The following AGBL1 variants were observed in gnomAD, a reference collection of about 807,000 sequenced individuals.
AGBL1 encodes the protein AGBL carboxypeptidase 1, also known as cytosolic carboxypeptidase 4.
AGBL1 carries 130 observed loss-of-function variants against 118.9 expected under a neutral mutation model. The observed-to-expected ratio is 1.09, with a 90% CI of 0.95 to 1.26. The LOEUF (loss-of-function observed/expected upper bound fraction) is 1.26. Among genes scored for constraint, AGBL1 ranks in the 50% most tolerant of loss-of-function variants. The pLI, the probability that AGBL1 is intolerant of heterozygous loss-of-function variation, is 0.00. For missense variants in AGBL1, 1,584 were observed against 1,298.1 expected (o/e 1.22, Z -3.38); for synonymous variants, 555 against 478.9 (o/e 1.16, Z -2.08).
rs531356950 is a variant in AGBL1, at chr15:86,774,615, G to A, written c.3158+100179G>A. On this transcript the variant is annotated intron_variant, in intron 22 of 22. Coordinates refer to ENST00000614907, the MANE Select transcript of AGBL1 (RefSeq NM_001386094.1). ...CAGGGCAGGAAGCTCTAAGTACAGG[G>A]AGCTCCTGGAAGACAGAAGCAGCCC... Among the ~76,000 whole-genome samples, 3 of 152,140 alleles carry A rather than the reference G, an allele frequency of 2.0e-5. No individual in the cohort carries two copies. The South Asian group carries it at 6.2e-4, about 32-fold the overall frequency.
At chr15:86,677,485 C>G (rs1268992328) in intron 22 of AGBL1, among the ~76,000 whole-genome samples, 1 of 152,172 alleles carries the variant, frequency 6.6e-6, no homozygotes, top group Non-Finnish European at 1.5e-5. Context: ...TCAGGAGGAG[C>G]CGTTTATCCA....
intron 9 of AGBL1, 68 bp from the exon 10 acceptor site, chr15:86,262,710 A>T: frequency 9.4e-7 from 1 of 1,067,208 alleles, no homozygotes; most frequent in Non-Finnish European, 1.4e-6. Context: ...GCACATACAT[A>T]TCATGTCTTG....
chr15:86,328,324 G>T (rs569639905), intron 17 of AGBL1, among the ~76,000 whole-genome samples: 2 of 152,082 alleles, frequency 1.3e-5, no homozygotes, highest in African/African-American at 2.4e-5. Context: ...GAGAGAGAAC[G>T]ATACAGAAAG....
chr15:86,744,831 T>C (rs534028801), intron 22 of AGBL1, among the ~76,000 whole-genome samples: 1 of 152,256 alleles, frequency 6.6e-6, no homozygotes, highest in East Asian at 1.9e-4. Context: ...TTTAACTCAT[T>C]ATAATTTTTT....
At position 86,280,738 on chromosome 15, in the gene AGBL1, A is replaced by G. The variant is rs75518977; in HGVS notation, c.2220+955A>G. Among the ~76,000 whole-genome samples the G allele has an allele frequency of 2.9e-3, 441 of 152,338 alleles. 2 individuals are homozygous for G. The highest frequency in any genetic ancestry group is 0.01 in the African/African-American group (421 of 41,576). On this transcript the variant is annotated intron_variant, in intron 16 of 22. Coordinates refer to ENST00000614907, the MANE Select transcript of AGBL1 (RefSeq NM_001386094.1). ...AACCAAGAACATCTTTTCCTTCAAA[A>G]GGAATGTGCAGGTATAAATGTGAAT...
rs75914783 is a variant in AGBL1, at chr15:86,848,147, G to A, written c.3159-58940G>A. On this transcript the variant is annotated intron_variant, in intron 22 of 22. Transcript: ENST00000614907. ...ATTATGTCAATTGAGTGGGGGACAG[G>A]AAGTGGGAGCTACCCACAGCAAGAA... Among the ~76,000 whole-genome samples, 1,378 of 152,240 alleles carry A rather than the reference G, an allele frequency of 9.1e-3. 15 individuals are homozygous for A. The highest frequency in any genetic ancestry group is 0.023 in the African/African-American group (939 of 41,534).
At chr15:86,116,163 G>C (rs907758843) in intron 1 of AGBL1, among the ~76,000 whole-genome samples, 2 of 152,132 alleles carry the variant, frequency 1.3e-5, no homozygotes, top group African/African-American at 4.8e-5. Context: ...TCTCAACTCT[G>C]TTTTGTGAGT....
chr15:86,357,702 G>A (rs1008787055), intron 17 of AGBL1, among the ~76,000 whole-genome samples: 1 of 151,826 alleles, frequency 6.6e-6, no homozygotes, highest in African/African-American at 2.4e-5. Flanking sequence ...TTAACATAGC[G>A]TGCTTCTTTA....
At chr15:86,344,446 A>G (rs1432914034) in intron 17 of AGBL1, among the ~76,000 whole-genome samples, 1 of 152,142 alleles carries the variant, frequency 6.6e-6, no homozygotes, top group African/African-American at 2.4e-5. Context: ...CATCTATGTG[A>G]ATGGAGCCCC....
chr15:86,719,005 C>A (rs899688668), intron 22 of AGBL1, among the ~76,000 whole-genome samples: 1 of 152,162 alleles, frequency 6.6e-6, no homozygotes, highest in Admixed American at 6.5e-5. Flanking sequence ...ATCTATCCCT[C>A]AACACCCCTT....
chr15:86,345,034 C>T (rs2080514843), intron 17 of AGBL1, among the ~76,000 whole-genome samples: 1 of 152,132 alleles, frequency 6.6e-6, no homozygotes, highest in African/African-American at 2.4e-5. Context: ...TAATTGAGCA[C>T]CTCTTCTTTT....
At chr15:86,925,189 GAA>G (rs748951922) in intron 23 of AGBL1, among the ~76,000 whole-genome samples, 11 of 90,376 alleles carry the variant, frequency 1.2e-4, no homozygotes, top group East Asian at 3.6e-4. Context: ...GGAAGAGGAA[GAA>G]AAGAAGAAAA....
chr15:86,088,608 G>T (rs1895824024), intron 1 of AGBL1, among the ~76,000 whole-genome samples: 1 of 152,180 alleles, frequency 6.6e-6, no homozygotes, highest in African/African-American at 2.4e-5. Context: ...TCTCAAACTG[G>T]GTTCCAAAGA....
chr15:86,271,629 C>T lies in AGBL1; in HGVS notation c.1998C>T (p.Pro666=). The change falls in exon 15 of 23, where the codon CCC becomes CCT. Residue 666 remains proline, a synonymous_variant. Transcript: ENST00000614907. ...TCTGATTTTGTGTAGGGATGCAGCC[C>T]ACCCTATATTCTGTGAAGGAGGCTC... is the stretch of plus-strand genomic sequence containing the variant. The part of the protein sequence containing the change: ...PNSQFNYGMQ[P]TLYSVKEALL... 3.1e-6 allele frequency: 5 copies of T among 1,611,290 alleles called. No individual in the cohort carries two copies. The highest frequency in any genetic ancestry group is 4.2e-6 in the Non-Finnish European group (5 of 1,177,538).
chr15:86,434,900 G>A (rs961479843), intron 18 of AGBL1, among the ~76,000 whole-genome samples: 1 of 152,190 alleles, frequency 6.6e-6, no homozygotes, highest in African/African-American at 2.4e-5. Flanking sequence ...AACATTCAGG[G>A]CTTTTATATC....
At chr15:86,968,166 C>T (rs924562011) in intron 23 of AGBL1, among the ~76,000 whole-genome samples, 6 of 151,786 alleles carry the variant, frequency 4.0e-5, no homozygotes, top group African/African-American at 1.5e-4. Context: ...CACCCAAAAT[C>T]ATTTGGAGTA....
At chr15:86,989,082 G>T (rs1442035767) in intron 24 of AGBL1, among the ~76,000 whole-genome samples, 1 of 148,094 alleles carries the variant, frequency 6.8e-6, no homozygotes, top group Non-Finnish European at 1.5e-5. Context: ...GCTAACTGCA[G>T]CTTTGATCCT....
chr15:86,192,028 G>C (rs924542752), intron 5 of AGBL1, among the ~76,000 whole-genome samples: 2 of 151,554 alleles, frequency 1.3e-5, no homozygotes, highest in African/African-American at 4.8e-5. Context: ...TTGAGCCCAA[G>C]AGTTCCAGGC....
At chr15:86,445,477 G>A (rs2082110309) in intron 18 of AGBL1, among the ~76,000 whole-genome samples, 1 of 152,184 alleles carries the variant, frequency 6.6e-6, no homozygotes, top group African/African-American at 2.4e-5. Context: ...GGGACATAGT[G>A]GGGCATTCCC....
Sources: allele counts gnomAD v4.1 joint callset (sites outside exome capture counted in the v4.1 genomes callset), GRCh38; gene constraint gnomAD v4.1.1; transcripts MANE v1.5; gene names NCBI Gene and HGNC (gene_info 2026-07-23, HGNC 2026-07-21).